The following CAMK1D variants were observed in gnomAD, a reference collection of about 807,000 sequenced individuals.
CAMK1D encodes the protein calcium/calmodulin dependent protein kinase ID.
A neutral mutation model predicts 47.7 loss-of-function variants in CAMK1D; 9 were observed. That is an observed-to-expected ratio of 0.19 (90% confidence interval 0.11 to 0.33). The LOEUF (loss-of-function observed/expected upper bound fraction) is 0.33. Ranked by LOEUF, CAMK1D falls within the 10% of genes least tolerant of loss-of-function variation. The pLI is 1.00. For synonymous variants in CAMK1D, 184 were observed against 184.9 expected (o/e 0.99, Z 0.04); for missense variants, 291 against 488.7 (o/e 0.60, Z 3.81).
intron 3 of CAMK1D, among the ~76,000 whole-genome samples, chr10:12,681,701 A>G (rs1038583914): frequency 1.3e-5 from 2 of 152,246 alleles, no homozygotes; most frequent in Admixed American, 6.5e-5. Flanking sequence ...GTTTAGGCAG[A>G]CTAACATGGT....
chr10:12,583,970 A>G (rs774658098), intron 2 of CAMK1D, among the ~76,000 whole-genome samples: 19 of 152,182 alleles, frequency 1.2e-4, no homozygotes, highest in Non-Finnish European at 1.0e-4. Context: ...GGACATGACA[A>G]TAGCCAAGTT....
intron 1 of CAMK1D, among the ~76,000 whole-genome samples, chr10:12,472,723 C>T (rs963884133): frequency 3.3e-5 from 5 of 152,140 alleles, no homozygotes; most frequent in East Asian, 3.9e-4. Context: ...GATTTCGCCA[C>T]GTTGGCCAGG....
intron 1 of CAMK1D, among the ~76,000 whole-genome samples, chr10:12,366,498 TA>T (rs11452864): frequency 2.0e-4 from 30 of 146,680 alleles, no homozygotes; most frequent in African/African-American, 2.3e-4. Flanking sequence ...CTACTAAAAA[TA>T]AAAAAAAAAA....
At chr10:12,715,358 G>A (rs1341746141) in intron 3 of CAMK1D, among the ~76,000 whole-genome samples, 1 of 152,092 alleles carries the variant, frequency 6.6e-6, no homozygotes, top group African/African-American at 2.4e-5. Flanking sequence ...TGACTACTGC[G>A]ATATCTTCAT....
At chr10:12,419,645 C>CACAT (rs1019426001) in intron 1 of CAMK1D, among the ~76,000 whole-genome samples, 2 of 127,372 alleles carry the variant, frequency 1.6e-5, no homozygotes, top group African/African-American at 5.7e-5. Flanking sequence ...AAAATGCACA[C>CACAT]ACACACACAC....
At chr10:12,465,478 C>G (rs1240781449) in intron 1 of CAMK1D, among the ~76,000 whole-genome samples, 1 of 152,206 alleles carries the variant, frequency 6.6e-6, no homozygotes, top group East Asian at 1.9e-4. Context: ...CCTCAGCCTT[C>G]CGAGTAGCTC....
intron 3 of CAMK1D, among the ~76,000 whole-genome samples, chr10:12,683,390 A>C (rs550433457): frequency 6.6e-6 from 1 of 152,138 alleles, no homozygotes; most frequent in South Asian, 2.1e-4. Context: ...CTGGCCATAA[A>C]ATTCTTTTTA....
chr10:12,407,977 C>T (rs1401186611), intron 1 of CAMK1D, among the ~76,000 whole-genome samples: 1 of 151,630 alleles, frequency 6.6e-6, no homozygotes, highest in African/African-American at 2.4e-5. Flanking sequence ...ACTGCCTCAG[C>T]CTCCTGAGTA....
intron 2 of CAMK1D, among the ~76,000 whole-genome samples, chr10:12,635,245 C>T (rs558215841): frequency 3.0e-4 from 46 of 152,210 alleles, no homozygotes; most frequent in Middle Eastern, 3.4e-3. Context: ...AGGTCTGACC[C>T]GGAATCCGGT....
Position 12,387,390 on chromosome 10 carries a change from T to A in CAMK1D, c.92+37480T>A, listed in dbSNP as rs1256017162. ...ATATATATATTATATATTATATATA[T>A]TATATATTTTTATATATTATATATA... On this transcript the variant is annotated intron_variant, in intron 1 of 10. Transcript: ENST00000619168. 1.3e-3 allele frequency among the ~76,000 whole-genome samples: 43 copies of A among 31,996 alleles called. 1 individual carries two copies. Among genetic ancestry groups the A allele is most frequent in the East Asian group, 3.8e-3 (2 of 520 alleles). The allele number at this position is 31,996 out of a possible 152,430, so 21.0% of individuals were successfully genotyped here.
chr10:12,652,654 A>G (rs903609531), intron 2 of CAMK1D, among the ~76,000 whole-genome samples: 2 of 152,192 alleles, frequency 1.3e-5, no homozygotes, highest in African/African-American at 4.8e-5. Context: ...ACCTATTTGT[A>G]ATGTCATTCC....
intron 4 of CAMK1D, among the ~76,000 whole-genome samples, chr10:12,767,033 C>T (rs879561602): frequency 2.0e-5 from 3 of 152,264 alleles, no homozygotes; most frequent in East Asian, 1.9e-4. Flanking sequence ...ATCTCAGACC[C>T]GCTGAAGGGC....
intron 1 of CAMK1D, among the ~76,000 whole-genome samples, chr10:12,360,411 C>T (rs1837623439): frequency 6.6e-6 from 1 of 152,180 alleles, no homozygotes; most frequent in African/African-American, 2.4e-5. Flanking sequence ...AGAAGAGAAG[C>T]TGTACCAAGC....
At chr10:12,474,705 C>A (rs991608086) in intron 1 of CAMK1D, among the ~76,000 whole-genome samples, 3 of 151,978 alleles carry the variant, frequency 2.0e-5, no homozygotes, top group African/African-American at 7.3e-5. Flanking sequence ...AGGTACTAAG[C>A]ATAGTACCTG....
Position 12,478,244 on chromosome 10 carries a change from G to A in CAMK1D, c.93-74981G>A, listed in dbSNP as rs1268703280. On this transcript the variant is annotated intron_variant, in intron 1 of 10. Coordinates refer to ENST00000619168, the MANE Select transcript of CAMK1D (RefSeq NM_153498.4). ...AGGATGGTCTCGATCTCCTGACCTC[G>A]TGATCCACCTGCCTCGGCCTCCCAA... Among the ~76,000 whole-genome samples the A allele has an allele frequency of 4.6e-5, 7 of 151,716 alleles. No individual in the cohort carries two copies. In the Middle Eastern group the frequency reaches 0.01, roughly 224 times the overall value.
At chr10:12,360,609 A>G (rs142506424) in intron 1 of CAMK1D, among the ~76,000 whole-genome samples, 10 of 152,332 alleles carry the variant, frequency 6.6e-5, no homozygotes, top group Admixed American at 6.5e-4. Flanking sequence ...GATTTTAAGG[A>G]AAGAACTTTT....
chr10:12,636,694 C>G (rs933474549), intron 2 of CAMK1D, among the ~76,000 whole-genome samples: 3 of 152,160 alleles, frequency 2.0e-5, no homozygotes, highest in Non-Finnish European at 4.4e-5. Flanking sequence ...TGAAGTTATA[C>G]AGCCAGCAGA....
intron 2 of CAMK1D, among the ~76,000 whole-genome samples, chr10:12,627,239 G>A (rs1489798620): frequency 2.6e-5 from 4 of 151,702 alleles, no homozygotes; most frequent in African/African-American, 4.8e-5. Context: ...CTGCCACCAC[G>A]CCCAGCTAAT....
intron 3 of CAMK1D, among the ~76,000 whole-genome samples, chr10:12,673,286 TAA>T (rs1840690837): frequency 6.6e-6 from 1 of 152,018 alleles, no homozygotes. Flanking sequence ...TTTTGATTAA[TAA>T]ACGTAAGTGT....
Sources: gnomAD v4.1 joint callset for allele counts (sites outside exome capture counted in the v4.1 genomes callset) on GRCh38, gnomAD v4.1.1 for gene constraint, MANE v1.5 for transcripts, NCBI Gene and HGNC (gene_info 2026-07-23, HGNC 2026-07-21) for gene names.